Variants in PARVA observed in about 807,000 individuals in gnomAD.
PARVA encodes the protein parvin alpha, also known as alpha-parvin.
Under a neutral mutation model 52.6 loss-of-function variants are expected in PARVA, and 25 were observed. That is an observed-to-expected ratio of 0.48 (90% CI 0.35 to 0.66). The LOEUF (loss-of-function observed/expected upper bound fraction) is 0.66, where lower values mean the gene tolerates loss of function less well. Ranked by LOEUF, PARVA falls within the 30% of genes least tolerant of loss-of-function variation. The pLI, the probability that PARVA is intolerant of heterozygous loss-of-function variation, is 0.01. For missense variants in PARVA, 373 were observed against 450.9 expected (o/e 0.83, Z 1.56); for synonymous variants, 185 against 179.1 (o/e 1.03, Z -0.26).
rs1941761707 is a variant in PARVA, at chr11:12,530,691, G to T, written c.*2766G>T. 6.7e-6 allele frequency: 1 copy of T among 149,624 alleles called. No homozygotes were observed. The highest frequency in any genetic ancestry group is 1.5e-5 in the Non-Finnish European group (1 of 67,488). 9.3% of individuals were successfully genotyped at this position (149,624 alleles called of 1,614,324 possible). ...TGCGGGCTTCAAAAAATATAAGTAG[G>T]ATGTCATCTATACTGTCATACACTT... is the stretch of plus-strand genomic sequence containing the variant. On this transcript the variant is annotated 3_prime_UTR_variant, in exon 13 of 13. Transcript: ENST00000334956.
At chr11:12,465,033 T>C (rs1940836111) in intron 1 of PARVA, among the ~76,000 whole-genome samples, 1 of 152,176 alleles carries the variant, frequency 6.6e-6, no homozygotes. Context: ...CCTATGAGAA[T>C]CTAAGCCACT....
chr11:12,377,898 G>GGCGCGCGGCGATGCGT (rs1939424768), intron 1 of PARVA, 115 bp downstream of exon 1: 1 of 526,220 alleles, frequency 1.9e-6, no homozygotes, highest in Admixed American at 5.4e-5. Context: ...GGCGCGGTGG[G>GGCGCGCGGCGATGCGT]GCGCGCGGCG....
rs1424064216 is a variant in PARVA, at chr11:12,534,914, G to A, written c.*6989G>A. Among the ~76,000 whole-genome samples the A allele has an allele frequency of 1.3e-5, 2 of 152,212 alleles. No homozygotes were observed. Among genetic ancestry groups the A allele is most frequent in the Non-Finnish European group, 2.9e-5 (2 of 68,030 alleles). On this transcript the variant is annotated 3_prime_UTR_variant, in exon 13 of 13. Transcript: ENST00000334956. ...TAGGGGTTACCCCATCTTTCCTTAT[G>A]TGTGTAATATTGGAGAATGTACACT... is the stretch of plus-strand genomic sequence containing the variant.
At chr11:12,519,694 C>T (rs1339581393) in intron 12 of PARVA, among the ~76,000 whole-genome samples, 4 of 152,118 alleles carry the variant, frequency 2.6e-5, no homozygotes, top group Admixed American at 6.5e-5. Context: ...AAAGTCCCCC[C>T]GGGGAAGAAT....
chr11:12,473,664 T>C (rs990768116), intron 1 of PARVA, 81 bp from the exon 2 acceptor site: 5 of 1,039,052 alleles, frequency 4.8e-6, no homozygotes, highest in African/African-American at 4.7e-5. Context: ...TCAATGTCAA[T>C]ATCGAACACC....
chr11:12,490,840 G>A (rs1166253430), intron 4 of PARVA, among the ~76,000 whole-genome samples: 1 of 152,118 alleles, frequency 6.6e-6, no homozygotes, highest in South Asian at 2.1e-4. Context: ...TGAGGTCTTT[G>A]TATTGTTTAG....
At chr11:12,390,683 C>T (rs968778769) in intron 1 of PARVA, among the ~76,000 whole-genome samples, 1 of 152,168 alleles carries the variant, frequency 6.6e-6, no homozygotes, top group Non-Finnish European at 1.5e-5. Context: ...TCCATTCTCC[C>T]ACACTTGAGA....
chr11:12,445,437 C>T (rs1475462936), intron 1 of PARVA, among the ~76,000 whole-genome samples: 2 of 152,166 alleles, frequency 1.3e-5, no homozygotes, highest in African/African-American at 4.8e-5. Flanking sequence ...TGTCTCTCCC[C>T]TCTCTCCCAG....
intron 1 of PARVA, among the ~76,000 whole-genome samples, chr11:12,438,185 G>T (rs1328392157): frequency 6.6e-6 from 1 of 151,824 alleles, no homozygotes; most frequent in Non-Finnish European, 1.5e-5. Flanking sequence ...GTGTGAACCT[G>T]GGAGGCGGAG....
intron 1 of PARVA, among the ~76,000 whole-genome samples, chr11:12,428,878 A>G (rs959964098): frequency 2.6e-5 from 4 of 152,248 alleles, no homozygotes; most frequent in Admixed American, 6.5e-5. Flanking sequence ...TAAGTGAATA[A>G]AAACAGAAGG....
At chr11:12,469,094 A>G (rs1051635676) in intron 1 of PARVA, among the ~76,000 whole-genome samples, 4 of 152,186 alleles carry the variant, frequency 2.6e-5, no homozygotes, top group Admixed American at 2.6e-4. Flanking sequence ...GGAGCAAACC[A>G]CCAATGTCAG....
intron 1 of PARVA, among the ~76,000 whole-genome samples, chr11:12,410,900 G>C (rs970036052): frequency 2.0e-5 from 3 of 152,190 alleles, no homozygotes; most frequent in African/African-American, 7.2e-5. Flanking sequence ...CCAAATGCAG[G>C]CTCTGCCACT....
In PARVA at chr11:12,523,285, G is replaced by A. The variant is rs540710815; in HGVS notation, c.1043-4564G>A. ...GATGAGATAGAGGCGCAGGGAGGTC[G>A]GCTGGGGGCTAGAGCATAAGTAACC... On this transcript the variant is annotated intron_variant, in intron 12 of 12. Coordinates refer to ENST00000334956, the MANE Select transcript of PARVA (RefSeq NM_018222.5). Among the ~76,000 whole-genome samples, 7 of 152,216 alleles carry A rather than the reference G, an allele frequency of 4.6e-5. No homozygotes were observed. The East Asian group carries it at 9.7e-4, about 21-fold the overall frequency.
intron 1 of PARVA, among the ~76,000 whole-genome samples, chr11:12,437,369 T>A (rs1252366614): frequency 6.6e-6 from 1 of 152,168 alleles, no homozygotes; most frequent in Non-Finnish European, 1.5e-5. Flanking sequence ...CTTCCCTACA[T>A]CCTCCCCAGC....
intron 1 of PARVA, among the ~76,000 whole-genome samples, chr11:12,401,860 T>C (rs577958061): frequency 6.6e-6 from 1 of 152,332 alleles, no homozygotes; most frequent in East Asian, 1.9e-4. Flanking sequence ...TAAGGTGTAA[T>C]ATAGGCATGG....
intron 1 of PARVA, among the ~76,000 whole-genome samples, chr11:12,406,657 ATCTGTTTT>A (rs1939912495): frequency 9.8e-6 from 1 of 102,154 alleles, no homozygotes; most frequent in African/African-American, 3.9e-5. Flanking sequence ...TTTAGGTTGT[ATCTGTTTT>A]TTTTTTTTTT....
At position 12,439,755 on chromosome 11, in the gene PARVA, C is replaced by A. The variant is rs1446576030; in HGVS notation, c.137-33990C>A. Among the ~76,000 whole-genome samples, 4 of 152,224 alleles carry A rather than the reference C, an allele frequency of 2.6e-5. No homozygotes were observed. In the East Asian group the frequency reaches 7.7e-4, roughly 29 times the overall value. On this transcript the variant is annotated intron_variant, in intron 1 of 12. Transcript: ENST00000334956. ...CTTTCTCTGCCCCAGCTGCCCTGGC[C>A]TTCTTGTTCCCTACAGGAGCAAAGT...
chr11:12,402,481 C>A (rs1412577567), intron 1 of PARVA, among the ~76,000 whole-genome samples: 1 of 152,118 alleles, frequency 6.6e-6, no homozygotes, highest in Non-Finnish European at 1.5e-5. Flanking sequence ...TCCTTTTTCC[C>A]CCTTGGTCAC....
At chr11:12,397,699 G>A (rs189605561) in intron 1 of PARVA, among the ~76,000 whole-genome samples, 152 of 152,260 alleles carry the variant, frequency 1.0e-3, no homozygotes, top group African/African-American at 3.5e-3. Flanking sequence ...CAAATTCTCA[G>A]GCTCCTAGCT....
Sources: allele counts gnomAD v4.1 joint callset (sites outside exome capture counted in the v4.1 genomes callset), GRCh38; gene constraint gnomAD v4.1.1; transcripts MANE v1.5; gene names NCBI Gene and HGNC (gene_info 2026-07-23, HGNC 2026-07-21).